Variants in IMMP1L observed in about 807,000 individuals in gnomAD.
The protein encoded by IMMP1L is inner mitochondrial membrane peptidase subunit 1.
In IMMP1L, 24 loss-of-function variants were observed where a neutral mutation model predicts 21.8. The observed-to-expected ratio is 1.10, with a 90% CI of 0.80 to 1.55. The LOEUF is 1.55. IMMP1L is among the 40% of genes most tolerant of loss of function. The probability of loss-of-function intolerance (pLI) is 0.00; values close to 1 mark genes in which losing one functional copy is unlikely to be tolerated. For missense variants in IMMP1L, 195 were observed against 200.7 expected (o/e 0.97, Z 0.17); for synonymous variants, 46 against 62.8 (o/e 0.73, Z 1.26).
intron 1 of IMMP1L, among the ~76,000 whole-genome samples, chr11:31,496,594 T>C (rs1955442771): frequency 6.6e-6 from 1 of 151,788 alleles, no homozygotes; most frequent in Non-Finnish European, 1.5e-5. Flanking sequence ...AACAGATGAA[T>C]GGATAAACAA....
intron 4 of IMMP1L, among the ~76,000 whole-genome samples, chr11:31,445,247 A>C (rs1338827512): frequency 6.6e-6 from 1 of 152,182 alleles, no homozygotes; most frequent in African/African-American, 2.4e-5. Context: ...CTGAACAGTA[A>C]ATTAGATGCA....
chr11:31,502,257 G>C (rs1258973178), intron 1 of IMMP1L, among the ~76,000 whole-genome samples: 1 of 152,102 alleles, frequency 6.6e-6, no homozygotes, highest in Non-Finnish European at 1.5e-5. Context: ...TCAAAAAGAG[G>C]TAGAATAATT....
At chr11:31,460,230 T>C (rs1446777146) in intron 3 of IMMP1L, among the ~76,000 whole-genome samples, 1 of 152,056 alleles carries the variant, frequency 6.6e-6, no homozygotes, top group Admixed American at 6.6e-5. Flanking sequence ...TAAAGTAAGA[T>C]AGCAATCAAT....
At position 31,465,193 on chromosome 11, in the gene IMMP1L, C is replaced by A. The variant is rs542447625; in HGVS notation, c.-29-1888G>T. On this transcript the variant is annotated intron_variant, in intron 1 of 5. Coordinates refer to ENST00000532287, the MANE Select transcript of IMMP1L (RefSeq NM_001304274.2). Reference sequence around the variant, plus strand: ...AATGGGATCAATAAAGCAACCCCACCTAAAATGGCTATAAAACATTAAAAA... The same window carrying A: ...AATGGGATCAATAAAGCAACCCCACATAAAATGGCTATAAAACATTAAAAA... 6.6e-5 allele frequency among the ~76,000 whole-genome samples: 10 copies of A among 151,932 alleles called. No individual in the cohort carries two copies. In the South Asian group the frequency reaches 2.1e-3, roughly 31 times the overall value.
At chr11:31,456,481 A>AGTTT in intron 3 of IMMP1L, 95 bp from the exon 4 acceptor site, 1 of 980,088 alleles carries the variant, frequency 1.0e-6, no homozygotes, top group South Asian at 1.6e-5. Context: ...CAACTTAAAC[A>AGTTT]AAGCCATAAC....
rs535730473 is a variant in IMMP1L at position 31,467,676 on chromosome 11, C to G, written c.-29-4371G>C. ...TGTAGAAGGAATGGTAAAATTACCA[C>G]CAGTGTAATAATTGACTCAGACAAG... On this transcript the variant is annotated intron_variant, in intron 1 of 5. Coordinates refer to ENST00000532287, the MANE Select transcript of IMMP1L (RefSeq NM_001304274.2). 9.2e-5 allele frequency among the ~76,000 whole-genome samples: 14 copies of G among 151,908 alleles called. No individual in the cohort carries two copies. In the South Asian group the frequency reaches 2.9e-3, roughly 32 times the overall value.
At chr11:31,440,681 G>A (rs1953294922) in intron 4 of IMMP1L, among the ~76,000 whole-genome samples, 1 of 152,160 alleles carries the variant, frequency 6.6e-6, no homozygotes, top group African/African-American at 2.4e-5. Context: ...GTGAGCCACT[G>A]CGCCCAGCCT....
chr11:31,435,225 C>G (rs1444576519), intron 4 of IMMP1L, among the ~76,000 whole-genome samples: 1 of 152,194 alleles, frequency 6.6e-6, no homozygotes, highest in Non-Finnish European at 1.5e-5. Context: ...CTTTGTCTGA[C>G]CATCCCATTG....
At chr11:31,491,545 T>C (rs1042925352) in intron 1 of IMMP1L, among the ~76,000 whole-genome samples, 2 of 152,176 alleles carry the variant, frequency 1.3e-5, no homozygotes, top group Non-Finnish European at 2.9e-5. Context: ...CCAAGCAAAG[T>C]GTTAAAGGCG....
chr11:31,438,665 T>C (rs1468347139), intron 4 of IMMP1L, among the ~76,000 whole-genome samples: 1 of 152,228 alleles, frequency 6.6e-6, no homozygotes, highest in Non-Finnish European at 1.5e-5. Context: ...CATTTTGAGA[T>C]AACTTCTGTG....
At chr11:31,485,764 A>T (rs1423929660) in intron 1 of IMMP1L, among the ~76,000 whole-genome samples, 1 of 151,958 alleles carries the variant, frequency 6.6e-6, no homozygotes. Context: ...AGGACAAAAA[A>T]GCTTATCAGG....
intron 1 of IMMP1L, among the ~76,000 whole-genome samples, chr11:31,465,487 C>T (rs1362628704): frequency 6.6e-6 from 1 of 151,932 alleles, no homozygotes; most frequent in Non-Finnish European, 1.5e-5. Flanking sequence ...CCCCAAATAA[C>T]CAAAGCAATA....
At chr11:31,482,080 A>C (rs1285892123) in intron 1 of IMMP1L, among the ~76,000 whole-genome samples, 1 of 152,108 alleles carries the variant, frequency 6.6e-6, no homozygotes, top group Non-Finnish European at 1.5e-5. Context: ...CATAAGGTGA[A>C]CATGAATAAA....
intron 1 of IMMP1L, among the ~76,000 whole-genome samples, chr11:31,472,019 C>A (rs1954569533): frequency 6.6e-6 from 1 of 152,132 alleles, no homozygotes; most frequent in Non-Finnish European, 1.5e-5. Context: ...TTTAATCTCC[C>A]TGGCCATTAT....
intron 1 of IMMP1L, among the ~76,000 whole-genome samples, chr11:31,492,904 T>C (rs1360049365): frequency 6.6e-6 from 1 of 152,114 alleles, no homozygotes; most frequent in African/African-American, 2.4e-5. Flanking sequence ...ATCACAGATA[T>C]AATAATGATA....
At chr11:31,456,876 CAAAAAAAAAAA>C (rs56849120) in intron 3 of IMMP1L, among the ~76,000 whole-genome samples, 5 of 17,968 alleles carry the variant, frequency 2.8e-4, no homozygotes, top group East Asian at 2.3e-3. Context: ...ACCATGTCTC[CAAAAAAAAAAA>C]AAAAAAAAAA....
intron 4 of IMMP1L, among the ~76,000 whole-genome samples, chr11:31,442,138 G>A (rs553714890): frequency 3.3e-5 from 5 of 152,206 alleles, no homozygotes; most frequent in African/African-American, 7.2e-5. Context: ...AATCATTCTT[G>A]TTTTTCCTTT....
intron 1 of IMMP1L, among the ~76,000 whole-genome samples, chr11:31,494,360 C>T (rs531729000): frequency 6.6e-6 from 1 of 152,366 alleles, no homozygotes; most frequent in African/African-American, 2.4e-5. Context: ...ACTTTTGACC[C>T]TTTAAGCCAT....
intron 1 of IMMP1L, among the ~76,000 whole-genome samples, chr11:31,475,376 A>G (rs1954692283): frequency 6.6e-6 from 1 of 152,232 alleles, no homozygotes; most frequent in African/African-American, 2.4e-5. Flanking sequence ...TAATTCAAAA[A>G]GAAATATCAT....
Sources: gnomAD v4.1 joint callset for allele counts (sites outside exome capture counted in the v4.1 genomes callset) on GRCh38, gnomAD v4.1.1 for gene constraint, MANE v1.5 for transcripts, NCBI Gene and HGNC (gene_info 2026-07-23, HGNC 2026-07-21) for gene names.